STK33: variants seen among roughly 807,000 people sequenced by gnomAD.
The protein encoded by STK33 is serine/threonine-protein kinase 33.
Under a neutral mutation model 58.0 loss-of-function variants are expected in STK33, and 52 were observed. That is an observed-to-expected ratio of 0.90 (90% CI 0.72 to 1.13). The LOEUF is 1.13. Among genes scored for constraint, STK33 ranks in the 50% most tolerant of loss-of-function variants. STK33 has a pLI of 0.00. For missense variants in STK33, 630 were observed against 604.2 expected (o/e 1.04, Z -0.45); for synonymous variants, 215 against 200.1 (o/e 1.07, Z -0.63).
At chr11:8,524,176 G>A (rs561669572) in intron 1 of STK33, among the ~76,000 whole-genome samples, 15 of 152,206 alleles carry the variant, frequency 9.9e-5, no homozygotes, top group Non-Finnish European at 2.2e-4. Context: ...ACACAAACAC[G>A]GCAGAAGGCC....
At chr11:8,468,233 ATG>A in intron 6 of STK33, among the ~76,000 whole-genome samples, 1 of 152,158 alleles carries the variant, frequency 6.6e-6, no homozygotes, top group Non-Finnish European at 1.5e-5. Flanking sequence ...ATCACATCCT[ATG>A]AGATCCAGTC....
chr11:8,343,983 C>T, the STK33 span, among the ~76,000 whole-genome samples: 7 of 152,282 alleles, frequency 4.6e-5, no homozygotes, highest in East Asian at 1.2e-3. Flanking sequence ...TTCAGAGCCC[C>T]AGTCCACGGC....
intron 1 of STK33, among the ~76,000 whole-genome samples, chr11:8,549,113 A>G (rs1284844570): frequency 3.3e-5 from 5 of 152,184 alleles, no homozygotes; most frequent in Non-Finnish European, 7.4e-5. Context: ...TGGTTTGGTC[A>G]TATATGGTCT....
intron 11 of STK33, among the ~76,000 whole-genome samples, chr11:8,451,309 T>G (rs1369914268): frequency 6.6e-6 from 1 of 152,206 alleles, no homozygotes; most frequent in South Asian, 2.1e-4. Context: ...TTATTCATAA[T>G]AGCCATAAAC....
intron 12 of STK33, among the ~76,000 whole-genome samples, chr11:8,438,745 A>G (rs1228874095): frequency 6.6e-6 from 1 of 152,208 alleles, no homozygotes; most frequent in Non-Finnish European, 1.5e-5. Context: ...ATATTAGATT[A>G]TATATAGGAT....
Position 8,448,839 on chromosome 11 carries a change from C to A in STK33, c.871+3983G>T, listed in dbSNP as rs190336428. On this transcript the variant is annotated intron_variant, in intron 11 of 15. Transcript: ENST00000687296. ...AGCAAAAGAAACTACCATCAGAGTG[C>A]ACAGGCAACCTACGGAATGGGAGAA... is the stretch of plus-strand genomic sequence containing the variant. 3.1e-3 allele frequency among the ~76,000 whole-genome samples: 468 copies of A among 152,180 alleles called. 6 individuals are homozygous for A. The highest frequency in any genetic ancestry group is 0.016 in the Admixed American group (241 of 15,274).
At chr11:8,593,647 T>C (rs1417295249) in intron 1 of STK33, 2 of 152,198 alleles carry the variant, frequency 1.3e-5, no homozygotes, top group East Asian at 1.9e-4. Flanking sequence ...ACAGGAAACC[T>C]ACCATATAAT....
At chr11:8,376,777 T>C in the STK33 span, among the ~76,000 whole-genome samples, 5 of 152,222 alleles carry the variant, frequency 3.3e-5, no homozygotes, top group African/African-American at 9.6e-5. Flanking sequence ...CCTAATCTCG[T>C]GATCCTCCCA....
chr11:8,582,814 C>T (rs2030644890), intron 1 of STK33, among the ~76,000 whole-genome samples: 1 of 152,138 alleles, frequency 6.6e-6, no homozygotes, highest in Admixed American at 6.5e-5. Flanking sequence ...AAACATAAAA[C>T]CAATGAGATA....
intron 2 of STK33, among the ~76,000 whole-genome samples, chr11:8,479,822 G>A (rs576595941): frequency 1.1e-3 from 160 of 152,122 alleles, no homozygotes; most frequent in African/African-American, 3.5e-3. Flanking sequence ...TAGCCTGGGT[G>A]ACAGAGTAAG....
At chr11:8,498,292 A>G (rs963432484) in intron 1 of STK33, among the ~76,000 whole-genome samples, 1 of 152,172 alleles carries the variant, frequency 6.6e-6, no homozygotes, top group Non-Finnish European at 1.5e-5. Context: ...CTATACACCA[A>G]TAACAGACAA....
At chr11:8,338,978 G>T in the STK33 span, among the ~76,000 whole-genome samples, 1 of 152,176 alleles carries the variant, frequency 6.6e-6, no homozygotes, top group Non-Finnish European at 1.5e-5. Context: ...GGCCCATAAA[G>T]AAATGGACCT....
chr11:8,424,258 G>A lies in STK33; in HGVS notation c.1147-10566C>T, dbSNP rs1341681313. ...GCGGTGTTTGGCTTTTTGTCCTTGC[G>A]ATAGTTTGCTGAGAATGATGGTTTC... On this transcript the variant is annotated intron_variant, in intron 14 of 15. Transcript: ENST00000687296. Among the ~76,000 whole-genome samples, 13 of 151,268 alleles carry A rather than the reference G, an allele frequency of 8.6e-5. No homozygotes were observed. In the East Asian group the frequency reaches 1.9e-3, roughly 23 times the overall value.
At chr11:8,401,041 A>G (rs1039685568) in intron 15 of STK33, among the ~76,000 whole-genome samples, 9 of 151,544 alleles carry the variant, frequency 5.9e-5, no homozygotes, top group East Asian at 1.9e-4. Flanking sequence ...TGGCCATACT[A>G]CCCAAGGTAA....
chr11:8,553,189 TA>T, intron 1 of STK33, among the ~76,000 whole-genome samples: 1 of 75,684 alleles, frequency 1.3e-5, no homozygotes, highest in Non-Finnish European at 2.3e-5. Context: ...TATATATATA[TA>T]TATATATGGT....
intron 1 of STK33, among the ~76,000 whole-genome samples, chr11:8,514,623 A>G (rs1435824111): frequency 2.6e-5 from 4 of 152,144 alleles, no homozygotes; most frequent in African/African-American, 9.7e-5. Context: ...AACCTACAGC[A>G]ATAGGCATCA....
At chr11:8,369,659 T>C in the STK33 span, among the ~76,000 whole-genome samples, 1 of 152,192 alleles carries the variant, frequency 6.6e-6, no homozygotes, top group South Asian at 2.1e-4. Flanking sequence ...CAGAGAGCTC[T>C]GATGCCGGAG....
the STK33 span, among the ~76,000 whole-genome samples, chr11:8,383,672 G>A: frequency 1.3e-5 from 2 of 152,198 alleles, no homozygotes. Flanking sequence ...GCGATAAGGA[G>A]ATTTGGCCAC....
intron 14 of STK33, among the ~76,000 whole-genome samples, chr11:8,420,803 C>A (rs1201645360): frequency 1.3e-5 from 2 of 151,982 alleles, no homozygotes; most frequent in Admixed American, 6.6e-5. Context: ...TCGAGACCAG[C>A]CTGGGCAACA....
Sources: allele counts gnomAD v4.1 joint callset (sites outside exome capture counted in the v4.1 genomes callset), GRCh38; gene constraint gnomAD v4.1.1; transcripts MANE v1.5; gene names NCBI Gene and HGNC (gene_info 2026-07-23, HGNC 2026-07-21).